UNC45B: variants seen among roughly 807,000 people sequenced by gnomAD.
The protein encoded by UNC45B is protein unc-45 homolog B.
In UNC45B, 78 loss-of-function variants were observed where a neutral mutation model predicts 98.7. The ratio of observed to expected loss-of-function variants is 0.79; its 90% CI spans 0.66 to 0.95. The LOEUF (loss-of-function observed/expected upper bound fraction) is 0.95, where lower values mean the gene tolerates loss of function less well. Among genes scored for constraint, UNC45B ranks in the 40% least tolerant of loss-of-function variants. The pLI is 0.00. For synonymous variants in UNC45B, 462 were observed against 480.4 expected (o/e 0.96, Z 0.50); for missense variants, 1,225 against 1,184.9 (o/e 1.03, Z -0.50).
intron 17 of UNC45B, among the ~76,000 whole-genome samples, chr17:35,177,862 CTCTTT>C (rs1433505972): frequency 9.4e-5 from 14 of 148,160 alleles, no homozygotes; most frequent in South Asian, 4.4e-4. Flanking sequence ...CTCTTCTCTT[CTCTTT>C]TCTTTCTTTT....
chr17:35,162,373 T>C (rs545135449), intron 8 of UNC45B, among the ~76,000 whole-genome samples: 81 of 152,164 alleles, frequency 5.3e-4, no homozygotes, highest in African/African-American at 1.9e-3. Flanking sequence ...GCTCTGAGAG[T>C]AGGAGTAGTT....
In UNC45B at chr17:35,174,326, G is replaced by A. The variant is rs138848167; in HGVS notation, c.1915G>A (p.Asp639Asn). 20 of 1,614,122 alleles carry A rather than the reference G, an allele frequency of 1.2e-5. No homozygotes were observed. Among genetic ancestry groups the A allele is most frequent in the Non-Finnish European group, 1.7e-5 (20 of 1,180,048 alleles). ...TGCCCTGGCTTGCATGGTGAAAGCA[G>A]ATAGTGCCATCCTCACTGACCAGAC... ...ISALACMVKADSAILTDQTKE... is the reference protein window; with the variant it reads ...ISALACMVKANSAILTDQTKE... Residue 639 changes from aspartate to asparagine, a missense_variant, in exon 14 of 20, where the codon GAT becomes AAT. By Grantham distance (23) the Asp-to-Asn change is conservative. Transcript: ENST00000394570.
chr17:35,185,986 G>C (rs528537679), intron 19 of UNC45B, among the ~76,000 whole-genome samples: 1 of 152,272 alleles, frequency 6.6e-6, no homozygotes, highest in South Asian at 2.1e-4. Flanking sequence ...TGAAGGTCTT[G>C]TGCTGTGTCA....
intron 4 of UNC45B, 60 bp downstream of exon 4, chr17:35,150,283 G>A (rs2092008164): frequency 1.9e-6 from 3 of 1,553,702 alleles, no homozygotes; most frequent in African/African-American, 2.7e-5. Flanking sequence ...ATTCCTAGTA[G>A]GAATGGGTTA....
intron 14 of UNC45B, among the ~76,000 whole-genome samples, chr17:35,175,085 A>AAGAAAG (rs370149056): frequency 0.03 from 2,927 of 97,338 alleles, 33 homozygotes; most frequent in African/African-American, 0.044. Context: ...GAAAGAAAGA[A>AAGAAAG]AGAGAAAGAA....
At chr17:35,162,013 G>C (rs1019409346) in intron 8 of UNC45B, among the ~76,000 whole-genome samples, 1 of 152,172 alleles carries the variant, frequency 6.6e-6, no homozygotes, top group Non-Finnish European at 1.5e-5. Flanking sequence ...GAAGTGCCAC[G>C]CCCCTTGCCA....
chr17:35,174,269 G>C lies in UNC45B; in HGVS notation c.1858G>C (p.Val620Leu). 6.2e-7 allele frequency: 1 copy of C among 1,614,212 alleles called. No homozygotes were observed. ...CAAGAAGGACTTTATAGACATGCGG[G>C]TGAAGCGGCTTCTGAAGGCGGGTGT... Reference protein sequence around the residue: ...KDKKDFIDMRVKRLLKAGVIS... With the variant: ...KDKKDFIDMRLKRLLKAGVIS... The change falls in exon 14 of 20, where the codon GTG (valine) becomes CTG (leucine). Residue 620 changes from valine to leucine, a missense_variant. By Grantham distance (32) the Val-to-Leu change is conservative. Transcript: ENST00000394570.
intron 6 of UNC45B, 22 bp from the exon 7 acceptor site, chr17:35,155,274 A>C: frequency 6.2e-7 from 1 of 1,611,344 alleles, no homozygotes; most frequent in Non-Finnish European, 8.5e-7. Flanking sequence ...GCAGCTGACC[A>C]TGGTTCTTGC....
intron 8 of UNC45B, among the ~76,000 whole-genome samples, chr17:35,162,007 T>TGCCAC (rs1338353667): frequency 6.6e-6 from 1 of 152,234 alleles, no homozygotes; most frequent in African/African-American, 2.4e-5. Context: ...GGCATGGAAG[T>TGCCAC]GCCACGCCCC....
intron 19 of UNC45B, among the ~76,000 whole-genome samples, chr17:35,185,980 G>A (rs187217475): frequency 2.2e-4 from 33 of 152,234 alleles, no homozygotes; most frequent in African/African-American, 7.5e-4. Context: ...TTTTGGTGAA[G>A]GTCTTGTGCT....
rs113581711 is a variant in UNC45B at position 35,174,013 on chromosome 17, G to T, written c.1831-229G>T. The stretch of plus-strand genomic sequence containing the variant: ...TTTTCAGTAGAGACAGGGTTTTACC[G>T]TGTTAGCCAGGATGGTCTTGATCTC... On this transcript the variant is annotated intron_variant, in intron 13 of 19. Coordinates refer to ENST00000394570, the MANE Select transcript of UNC45B (RefSeq NM_001267052.2). Among the ~76,000 whole-genome samples, 4,045 of 151,790 alleles carry T rather than the reference G, an allele frequency of 0.027. 170 individuals carry two copies. Among genetic ancestry groups the T allele is most frequent in the East Asian group, 0.2 (1,012 of 5,114 alleles).
chr17:35,184,815 A>T lies in UNC45B; in HGVS notation c.2529+1233A>T, dbSNP rs79102662. ...ATCTTGGCTGCATTTTTGTTCTGAC[A>T]TGGGGCTTCCTGGGGACTCTGTGAA... On this transcript the variant is annotated intron_variant, in intron 19 of 19. Coordinates refer to ENST00000394570, the MANE Select transcript of UNC45B (RefSeq NM_001267052.2). Among the ~76,000 whole-genome samples, 561 of 152,198 alleles carry T rather than the reference A, an allele frequency of 3.7e-3. 13 individuals carry two copies. The East Asian group carries it at 0.065, about 18-fold the overall frequency.
At chr17:35,160,220 A>C (rs1414961043) in intron 8 of UNC45B, among the ~76,000 whole-genome samples, 2 of 152,230 alleles carry the variant, frequency 1.3e-5, no homozygotes, top group African/African-American at 4.8e-5. Flanking sequence ...CCTGCTCAGT[A>C]AATGATCACT....
Position 35,166,086 on chromosome 17 carries a change from T to TAAAAAAAA in UNC45B, c.1151+1938_1151+1945dup, listed in dbSNP as rs55844448. Among the ~76,000 whole-genome samples, 161 of 58,082 alleles carry TAAAAAAAA rather than the reference T, an allele frequency of 2.8e-3. 5 individuals are homozygous for TAAAAAAAA. Among genetic ancestry groups the TAAAAAAAA allele is most frequent in the East Asian group, 0.016 (29 of 1,822 alleles). 38.1% of individuals were successfully genotyped at this position (58,082 alleles called of 152,430 possible). A position where few individuals can be genotyped will look rare whatever the true frequency, so the allele number is the denominator to read the frequency against. On this transcript the variant is annotated intron_variant, in intron 9 of 19. Coordinates refer to ENST00000394570, the MANE Select transcript of UNC45B (RefSeq NM_001267052.2). Reference sequence around the variant, plus strand: ...GGCAATGTAGAGAGACCCTCATCTCTAAAAAAAAAAAAAAAAAAAAAAAAA... The same window carrying TAAAAAAAA: ...GGCAATGTAGAGAGACCCTCATCTCTAAAAAAAAAAAAAAAAAAAAAAAAAAAAAAAAA...
chr17:35,161,831 G>A (rs896655247), intron 8 of UNC45B, among the ~76,000 whole-genome samples: 1 of 152,100 alleles, frequency 6.6e-6, no homozygotes, highest in Non-Finnish European at 1.5e-5. Flanking sequence ...CCTCCAGGAA[G>A]GGGAGAGGGG....
Position 35,186,176 on chromosome 17 carries a change from C to T in UNC45B, c.2530-123C>T, listed in dbSNP as rs1055171812. ...CAGCAACATTAATTCCTCTTAATGA[C>T]CTAATTACCTCTTAAAGGACCCACC... On this transcript the variant is annotated intron_variant, in intron 19 of 19. Coordinates refer to ENST00000394570, the MANE Select transcript of UNC45B (RefSeq NM_001267052.2). The T allele has an allele frequency of 5.5e-6, 7 of 1,277,336 alleles. No individual in the cohort carries two copies. The African/African-American group carries it at 9.0e-5, about 16-fold the overall frequency. The allele number at this position is 1,277,336 out of a possible 1,614,324, so 79.1% of individuals were successfully genotyped here.
chr17:35,181,304 G>A lies in UNC45B; in HGVS notation c.2373+628G>A, dbSNP rs2092272025. 3.3e-5 allele frequency among the ~76,000 whole-genome samples: 5 copies of A among 152,186 alleles called. No individual in the cohort carries two copies. In the South Asian group the frequency reaches 8.3e-4, roughly 25 times the overall value. On this transcript the variant is annotated intron_variant, in intron 18 of 19. Transcript: ENST00000394570. ...CTTCTCCCCATCCTGTCAGAGTACT[G>A]CTGTGACTGTATGTGTAATCTTATC...
intron 13 of UNC45B, among the ~76,000 whole-genome samples, chr17:35,172,788 A>G (rs2092197308): frequency 6.6e-6 from 1 of 152,096 alleles, no homozygotes; most frequent in African/African-American, 2.4e-5. Flanking sequence ...TTTCCTGCCT[A>G]TACCCTCTCT....
At chr17:35,181,346 T>C (rs1358929496) in intron 18 of UNC45B, among the ~76,000 whole-genome samples, 2 of 151,980 alleles carry the variant, frequency 1.3e-5, no homozygotes, top group South Asian at 4.2e-4. Flanking sequence ...AACAGCAGGG[T>C]CTAAGTTTGA....
Sources: gnomAD v4.1 joint callset for allele counts (sites outside exome capture counted in the v4.1 genomes callset) on GRCh38, gnomAD v4.1.1 for gene constraint, MANE v1.5 for transcripts, NCBI Gene and HGNC (gene_info 2026-07-23, HGNC 2026-07-21) for gene names.